ELAPOR2: variants seen among roughly 807,000 people sequenced by gnomAD.
The protein encoded by ELAPOR2 is endosome/lysosome-associated apoptosis and autophagy regulator family member 2.
In ELAPOR2, 89 loss-of-function variants were observed where a neutral mutation model predicts 120.7. That is an observed-to-expected ratio of 0.74 (90% CI 0.62 to 0.88). The LOEUF (loss-of-function observed/expected upper bound fraction) is 0.88. Among genes scored for constraint, ELAPOR2 ranks in the 40% least tolerant of loss-of-function variants. ELAPOR2 has a pLI of 0.00. For synonymous variants in ELAPOR2, 444 were observed against 444.9 expected, an observed-to-expected ratio of 1.00 and a Z score of 0.03; for missense variants, 1,134 against 1,251.6, an observed-to-expected ratio of 0.91 and a Z score of 1.42.
intron 13 of ELAPOR2, 116 bp from the exon 14 acceptor site, chr7:86,913,320 T>C: frequency 9.9e-7 from 1 of 1,009,424 alleles, no homozygotes; most frequent in South Asian, 1.7e-5. Context: ...GCCTAATAGT[T>C]TGTAATTGAC....
chr7:86,978,164 TTTATAA>T (rs1463813699), intron 1 of ELAPOR2, among the ~76,000 whole-genome samples: 2 of 152,152 alleles, frequency 1.3e-5, no homozygotes, highest in Non-Finnish European at 1.5e-5. Context: ...GTCTGATGGT[TTTATAA>T]GCATCTGGCG....
At chr7:86,965,070 C>G in intron 1 of ELAPOR2, 46 bp from the exon 2 acceptor site, 1 of 1,547,662 alleles carries the variant, frequency 6.5e-7, no homozygotes, top group Non-Finnish European at 8.7e-7. Context: ...CCAGTTCTAA[C>G]GGGACAACTG....
intron 1 of ELAPOR2, among the ~76,000 whole-genome samples, chr7:86,972,758 C>T (rs1310530929): frequency 2.0e-5 from 3 of 151,792 alleles, no homozygotes; most frequent in African/African-American, 7.3e-5. Flanking sequence ...ACTAGCAGAG[C>T]CATCTTCCTG....
intron 1 of ELAPOR2, among the ~76,000 whole-genome samples, chr7:87,055,482 T>A (rs907537858): frequency 5.3e-5 from 8 of 152,220 alleles, no homozygotes; most frequent in Non-Finnish European, 1.2e-4. Flanking sequence ...CATTGCATGC[T>A]GTACTTCAGT....
chr7:86,890,243 T>C (rs1788082706), intron 21 of ELAPOR2, among the ~76,000 whole-genome samples: 1 of 151,934 alleles, frequency 6.6e-6, no homozygotes, highest in Admixed American at 6.6e-5. Context: ...GACTATCTTT[T>C]CAAGAATCTT....
chr7:87,044,818 G>T (rs1170370241), intron 1 of ELAPOR2, among the ~76,000 whole-genome samples: 1 of 150,310 alleles, frequency 6.7e-6, no homozygotes, highest in South Asian at 2.1e-4. Context: ...GAGTGAACAG[G>T]CAACCTACAA....
chr7:86,957,500 A>G (rs1257942573), intron 2 of ELAPOR2, among the ~76,000 whole-genome samples: 1 of 152,208 alleles, frequency 6.6e-6, no homozygotes, highest in Non-Finnish European at 1.5e-5. Context: ...GAAATTCTAT[A>G]GTTGAAAAAA....
intron 2 of ELAPOR2, among the ~76,000 whole-genome samples, chr7:86,956,338 T>C (rs1324275599): frequency 6.6e-6 from 1 of 152,164 alleles, no homozygotes; most frequent in Non-Finnish European, 1.5e-5. Context: ...AGTACAGTAA[T>C]ATGAACCCAT....
intron 2 of ELAPOR2, among the ~76,000 whole-genome samples, chr7:86,958,860 T>C (rs1214493224): frequency 2.0e-5 from 3 of 152,192 alleles, no homozygotes; most frequent in Admixed American, 2.0e-4. Flanking sequence ...TTTTTTTCCA[T>C]TTCTAGAGAT....
intron 5 of ELAPOR2, among the ~76,000 whole-genome samples, chr7:86,941,595 A>G (rs568207981): frequency 5.9e-5 from 9 of 152,208 alleles, no homozygotes; most frequent in African/African-American, 2.2e-4. Context: ...AGATAAAAGG[A>G]ATTCACAGAT....
chr7:87,018,244 T>C (rs1793930976), intron 1 of ELAPOR2, among the ~76,000 whole-genome samples: 1 of 151,952 alleles, frequency 6.6e-6, no homozygotes, highest in African/African-American at 2.4e-5. Flanking sequence ...TTTCACCATC[T>C]TGGCCAGGCT....
intron 12 of ELAPOR2, 108 bp downstream of exon 12, chr7:86,918,323 CAAAAAAAAAAA>C (rs370415220): frequency 1.2e-4 from 21 of 173,942 alleles, no homozygotes; most frequent in Admixed American, 3.3e-4. Flanking sequence ...CTAAGAATAG[CAAAAAAAAAAA>C]AAAAAAAAAA....
intron 18 of ELAPOR2, 146 bp downstream of exon 18, chr7:86,907,524 C>T: frequency 1.8e-6 from 1 of 563,694 alleles, no homozygotes; most frequent in South Asian, 2.5e-5. Flanking sequence ...ACACTCAGCA[C>T]ATTCCCTACA....
intron 1 of ELAPOR2, among the ~76,000 whole-genome samples, chr7:87,051,291 G>T (rs1166921604): frequency 6.6e-6 from 1 of 152,152 alleles, no homozygotes; most frequent in Non-Finnish European, 1.5e-5. Context: ...GGTGCTTGAA[G>T]CCAAGTAAAT....
chr7:87,052,776 C>CTTTTGTTTCG (rs1795151032), intron 1 of ELAPOR2, among the ~76,000 whole-genome samples: 1 of 146,994 alleles, frequency 6.8e-6, no homozygotes, highest in Non-Finnish European at 1.5e-5. Context: ...GGTTTGTTTT[C>CTTTTGTTTCG]TTTTGTTTTG....
At chr7:86,896,272 T>C (rs916454199) in intron 19 of ELAPOR2, among the ~76,000 whole-genome samples, 3 of 152,070 alleles carry the variant, frequency 2.0e-5, no homozygotes, top group Non-Finnish European at 4.4e-5. Flanking sequence ...CTTTTAGGCA[T>C]ATTTCTGTGT....
At chr7:86,985,943 C>T (rs889849866) in intron 1 of ELAPOR2, among the ~76,000 whole-genome samples, 21 of 151,802 alleles carry the variant, frequency 1.4e-4, no homozygotes, top group Non-Finnish European at 7.4e-5. Flanking sequence ...GACAAACTCA[C>T]AGCCAATATC....
chr7:86,884,796 T>C (rs1170788878), intron 21 of ELAPOR2, among the ~76,000 whole-genome samples: 4 of 152,154 alleles, frequency 2.6e-5, no homozygotes, highest in Non-Finnish European at 4.4e-5. Flanking sequence ...CAGGACTCAA[T>C]GACTGTTTGG....
chr7:86,893,969 A>G (rs1407131801), intron 19 of ELAPOR2, among the ~76,000 whole-genome samples: 1 of 152,124 alleles, frequency 6.6e-6, no homozygotes, highest in African/African-American at 2.4e-5. Flanking sequence ...CAACATTAAT[A>G]ATATAGGCAC....
Sources: gnomAD v4.1 joint callset for allele counts (sites outside exome capture counted in the v4.1 genomes callset) on GRCh38, gnomAD v4.1.1 for gene constraint, MANE v1.5 for transcripts, NCBI Gene and HGNC (gene_info 2026-07-23, HGNC 2026-07-21) for gene names.